ANO3: variants seen among roughly 807,000 people sequenced by gnomAD.
ANO3 encodes anoctamin 3.
Under a neutral mutation model 144.8 loss-of-function variants are expected in ANO3, and 99 were observed. The ratio of observed to expected loss-of-function variants is 0.68; its 90% CI spans 0.58 to 0.81. The LOEUF (loss-of-function observed/expected upper bound fraction) is 0.81, where lower values mean the gene tolerates loss of function less well. Ranked by LOEUF, ANO3 falls within the 30% of genes least tolerant of loss-of-function variation. ANO3 has a pLI of 0.00. For missense variants in ANO3, 905 were observed against 1,202.2 expected, an observed-to-expected ratio of 0.75 and a Z score of 3.66; for synonymous variants, 414 against 392.6, an observed-to-expected ratio of 1.05 and a Z score of -0.64.
chr11:26,573,110 T>C (rs2134295242), intron 14 of ANO3, among the ~76,000 whole-genome samples: 1 of 152,282 alleles, frequency 6.6e-6, no homozygotes, highest in South Asian at 2.1e-4. Context: ...CTGAGGTTCA[T>C]ACTTGGTTTC....
intron 1 of ANO3, among the ~76,000 whole-genome samples, chr11:26,318,916 A>G (rs1201325983): frequency 6.6e-6 from 1 of 152,180 alleles, no homozygotes; most frequent in Non-Finnish European, 1.5e-5. Context: ...ATAATTTTAC[A>G]CAAGTGTGTA....
chr11:26,354,219 G>T (rs1855719359), intron 1 of ANO3, among the ~76,000 whole-genome samples: 1 of 152,094 alleles, frequency 6.6e-6, no homozygotes, highest in South Asian at 2.1e-4. Flanking sequence ...GTACAGAATT[G>T]AAAAAATCTG....
intron 1 of ANO3, among the ~76,000 whole-genome samples, chr11:26,288,513 C>T (rs966522760): frequency 1.2e-4 from 18 of 152,082 alleles, no homozygotes; most frequent in African/African-American, 3.6e-4. Context: ...GTTTTTCTGA[C>T]CTTCCCAGAA....
At chr11:26,512,500 A>G (rs1197473938) in intron 5 of ANO3, among the ~76,000 whole-genome samples, 3 of 152,146 alleles carry the variant, frequency 2.0e-5, no homozygotes, top group Non-Finnish European at 2.9e-5. Context: ...AAAAAATGAA[A>G]CTACATTTCT....
At chr11:26,295,078 G>T (rs1375571842) in intron 1 of ANO3, among the ~76,000 whole-genome samples, 1 of 151,604 alleles carries the variant, frequency 6.6e-6, no homozygotes, top group Admixed American at 6.6e-5. Context: ...TGTTGTTGTT[G>T]TTGTTGTTTT....
At chr11:26,401,268 G>T (rs868289798) in intron 1 of ANO3, among the ~76,000 whole-genome samples, 1 of 151,952 alleles carries the variant, frequency 6.6e-6, no homozygotes, top group Admixed American at 6.6e-5. Flanking sequence ...TTCTCTAAAA[G>T]AATTCCCTCC....
At chr11:26,238,747 A>G (rs1852588776) in intron 1 of ANO3, among the ~76,000 whole-genome samples, 1 of 152,054 alleles carries the variant, frequency 6.6e-6, no homozygotes, top group Non-Finnish European at 1.5e-5. Context: ...TAAAATATAG[A>G]GCAGAAGAAA....
chr11:26,470,435 A>G (rs953808537), intron 4 of ANO3, among the ~76,000 whole-genome samples: 1 of 151,726 alleles, frequency 6.6e-6, no homozygotes, highest in East Asian at 1.9e-4. Context: ...ACAGAAAAAA[A>G]AAAAAGCAAG....
At chr11:26,350,036 TTGGGGAGGAGACAGGAACGGAA>T (rs1326245684) in intron 1 of ANO3, among the ~76,000 whole-genome samples, 1 of 148,888 alleles carries the variant, frequency 6.7e-6, no homozygotes, top group East Asian at 1.9e-4. Flanking sequence ...GAAAGGAGAG[TTGGGGAGGAGACAGGAACGGAA>T]GGGGGAGGAG....
chr11:26,534,950 G>A (rs567526631), intron 9 of ANO3, among the ~76,000 whole-genome samples: 1 of 151,692 alleles, frequency 6.6e-6, no homozygotes, highest in Non-Finnish European at 1.5e-5. Context: ...AATAAGTTAG[G>A]CTGTGTCCAT....
At chr11:26,375,788 G>C (rs752838313) in intron 1 of ANO3, among the ~76,000 whole-genome samples, 13 of 152,236 alleles carry the variant, frequency 8.5e-5, no homozygotes, top group Middle Eastern at 3.4e-3. Flanking sequence ...CAGAAGTATA[G>C]ATTATTTTTG....
At chr11:26,622,242 C>T (rs939322818) in intron 17 of ANO3, among the ~76,000 whole-genome samples, 1 of 151,936 alleles carries the variant, frequency 6.6e-6, no homozygotes, top group Non-Finnish European at 1.5e-5. Flanking sequence ...ATTGTAACCC[C>T]CCTAATGCAT....
At position 26,367,028 on chromosome 11, in the gene ANO3, T is replaced by C. The variant is rs189271399; in HGVS notation, c.46+34707T>C. ...GGGAAAGGATTCTCTATTTAACAAA[T>C]GGTGCTGGCAAAACTGGCTAGCCAT... On this transcript the variant is annotated intron_variant, in intron 1 of 26. Coordinates refer to ENST00000256737, the MANE Select transcript of ANO3 (RefSeq NM_031418.4). 5.4e-3 allele frequency among the ~76,000 whole-genome samples: 821 copies of C among 152,300 alleles called. 5 individuals are homozygous for C. Among genetic ancestry groups the C allele is most frequent in the African/African-American group, 0.019 (796 of 41,562 alleles).
At chr11:26,202,012 C>T (rs1353093840) in intron 1 of ANO3, among the ~76,000 whole-genome samples, 1 of 150,562 alleles carries the variant, frequency 6.6e-6, no homozygotes, top group Non-Finnish European at 1.5e-5. Flanking sequence ...TATTCATTTG[C>T]AGAAAGGTCA....
At chr11:26,327,477 G>C (rs1854914255), upstream of ANO3, among the ~76,000 whole-genome samples, 1 of 152,128 alleles carries the variant, frequency 6.6e-6, no homozygotes, top group Non-Finnish European at 1.5e-5. Flanking sequence ...CTCCCTGAAG[G>C]AGTTTTAGGA....
At chr11:26,446,425 C>G (rs2134029629) in intron 3 of ANO3, among the ~76,000 whole-genome samples, 1 of 152,204 alleles carries the variant, frequency 6.6e-6, no homozygotes, top group Non-Finnish European at 1.5e-5. Flanking sequence ...TTGAGCTGCC[C>G]CATGAGAATA....
intron 1 of ANO3, among the ~76,000 whole-genome samples, chr11:26,269,947 TAAG>T (rs1184656507): frequency 1.3e-5 from 2 of 152,066 alleles, no homozygotes; most frequent in Non-Finnish European, 2.9e-5. Context: ...GATATCCTTA[TAAG>T]AAGAGATCAG....
At chr11:26,620,606 C>G (rs901113180) in intron 17 of ANO3, among the ~76,000 whole-genome samples, 1 of 152,042 alleles carries the variant, frequency 6.6e-6, no homozygotes, top group Non-Finnish European at 1.5e-5. Flanking sequence ...ACGGAGCACT[C>G]TAACAAAAAA....
At chr11:26,551,461 G>A (rs1219645933) in intron 12 of ANO3, among the ~76,000 whole-genome samples, 1 of 152,062 alleles carries the variant, frequency 6.6e-6, no homozygotes, top group Non-Finnish European at 1.5e-5. Context: ...CAAAAGTTTT[G>A]TGATGATTTT....
Sources: allele counts gnomAD v4.1 joint callset (sites outside exome capture counted in the v4.1 genomes callset), GRCh38; gene constraint gnomAD v4.1.1; transcripts MANE v1.5; gene names NCBI Gene and HGNC (gene_info 2026-07-23, HGNC 2026-07-21).